UGT2A3: variants seen among roughly 807,000 people sequenced by gnomAD.
UGT2A3 encodes UDP glucuronosyltransferase family 2 member A3.
UGT2A3 carries 55 observed loss-of-function variants against 44.1 expected under a neutral mutation model. The ratio of observed to expected loss-of-function variants is 1.25; its 90% confidence interval spans 1.00 to 1.56. UGT2A3 has a LOEUF of 1.56. Among genes scored for constraint, UGT2A3 ranks in the 40% most tolerant of loss-of-function variants. UGT2A3 has a pLI of 0.00. For synonymous variants in UGT2A3, 243 were observed against 215.1 expected (o/e 1.13, Z -1.13); for missense variants, 733 against 621.6 (o/e 1.18, Z -1.91).
chr4:68,931,256 A>G lies in UGT2A3; in HGVS notation c.997-14T>C, dbSNP rs757788067. On this transcript the variant is annotated splice_polypyrimidine_tract_variant and intron_variant, in intron 3 of 5. Transcript: ENST00000251566. ...CCTCCATAACACCTACGGAAGAAAC[A>G]CATGTATTTCACAGAGTGAACCACA... 1 of 1,602,840 alleles carries G rather than the reference A, an allele frequency of 6.2e-7. No homozygotes were observed.
intron 2 of UGT2A3, among the ~76,000 whole-genome samples, chr4:68,936,751 A>G (rs574904866): frequency 1.3e-5 from 2 of 152,070 alleles, no homozygotes; most frequent in Non-Finnish European, 2.9e-5. Flanking sequence ...GGCCCAATTA[A>G]GAGACACAGA....
intron 2 of UGT2A3, among the ~76,000 whole-genome samples, chr4:68,939,526 C>T (rs923207061): frequency 2.0e-5 from 3 of 152,060 alleles, no homozygotes; most frequent in Admixed American, 6.6e-5. Context: ...TCCCTTCTTA[C>T]ATCTTATACA....
chr4:68,948,297 T>C (rs1158354726), intron 1 of UGT2A3, among the ~76,000 whole-genome samples: 4 of 151,858 alleles, frequency 2.6e-5, no homozygotes, highest in Non-Finnish European at 4.4e-5. Context: ...CTAGCTTCAG[T>C]CTTTTTTTCT....
rs766149607 is a variant in UGT2A3 at position 68,930,579 on chromosome 4, A to G, written c.1271T>C (p.Leu424Pro). 15 of 1,612,826 alleles carry G rather than the reference A, an allele frequency of 9.3e-6. No individual in the cohort carries two copies. The South Asian group carries it at 1.5e-4, about 17-fold the overall frequency. ...GGTAATGACTGTTCTCAAAGCCCTC[A>G]GTAAATCTTCGCTTGTCATAGTTTT... is the stretch of plus-strand genomic sequence containing the variant. The part of the protein sequence containing the change: ...NFKTMTSEDL[L>P]RALRTVITDS... Residue 424 changes from leucine (L) to proline (P), a missense_variant, in exon 5 of 6, where the codon CTG becomes CCG. Coordinates refer to ENST00000251566, the MANE Select transcript of UGT2A3 (RefSeq NM_024743.4).
rs1279321399 is a variant in UGT2A3, at chr4:68,932,721, A to G, written c.903T>C (p.Gly301=). 1.2e-6 allele frequency: 2 copies of G among 1,611,672 alleles called. No homozygotes were observed. Among genetic ancestry groups the G allele is most frequent in the South Asian group, 1.1e-5 (1 of 90,884 alleles). The change falls in exon 3 of 6, where the codon GGT becomes GGC. Residue 301 remains glycine (G), a synonymous_variant. Transcript: ENST00000251566. ...GTGACCCCAGAGAAAACACCACAAT[A>G]CCATCTTCCCCTGAACTCTGGACAA... is the stretch of plus-strand genomic sequence containing the variant. ...ENFVQSSGED[G]IVVFSLGSLF... is the part of the protein sequence containing the mutation.
chr4:68,937,666 G>A (rs11249513), intron 2 of UGT2A3, among the ~76,000 whole-genome samples: 110,931 of 151,930 alleles, frequency 0.73, 42,115 homozygotes, highest in Non-Finnish European at 0.86. Flanking sequence ...AGAAGCAAGA[G>A]CAAATACATT....
intron 5 of UGT2A3, 97 bp downstream of exon 5, chr4:68,930,449 T>C (rs545398169): frequency 8.5e-7 from 1 of 1,171,538 alleles, no homozygotes; most frequent in South Asian, 1.7e-5. Flanking sequence ...TGGAGTAAAA[T>C]CCCTCAACAT....
At chr4:68,940,527 A>G (rs1718144478) in intron 2 of UGT2A3, among the ~76,000 whole-genome samples, 1 of 151,870 alleles carries the variant, frequency 6.6e-6, no homozygotes, top group South Asian at 2.1e-4. Context: ...GGCGGGGAAC[A>G]TCACACACCT....
intron 1 of UGT2A3, among the ~76,000 whole-genome samples, chr4:68,949,511 T>C (rs1718502916): frequency 6.6e-6 from 1 of 151,870 alleles, no homozygotes; most frequent in Admixed American, 6.6e-5. Flanking sequence ...CCGTAACAGA[T>C]ATAACAATGA....
At chr4:68,937,315 G>A (rs1717989625) in intron 2 of UGT2A3, among the ~76,000 whole-genome samples, 1 of 152,090 alleles carries the variant, frequency 6.6e-6, no homozygotes, top group South Asian at 2.1e-4. Flanking sequence ...ATAATTGGAA[G>A]TAAAACACTC....
chr4:68,936,255 T>A (rs1430116860), intron 2 of UGT2A3, among the ~76,000 whole-genome samples: 1 of 151,928 alleles, frequency 6.6e-6, no homozygotes, highest in African/African-American at 2.4e-5. Context: ...CCAAGACACA[T>A]AATTGTCAGA....
chr4:68,930,648 A>G lies in UGT2A3; in HGVS notation c.1202T>C (p.Ile401Thr), dbSNP rs1717699531. Residue 401 changes from isoleucine (I) to threonine (T), a missense_variant, in exon 5 of 6, where the codon ATA (isoleucine) becomes ACA (threonine). Coordinates refer to ENST00000251566, the MANE Select transcript of UGT2A3 (RefSeq NM_024743.4). ...TGCTCCTTTGGCCTTCATGTGAGCTATGTTATCAAGCTGATCACCAAATAT... is the reference window on the plus strand; with the variant it reads ...TGCTCCTTTGGCCTTCATGTGAGCTGTGTTATCAAGCTGATCACCAAATAT... ...VPIFGDQLDN[I>T]AHMKAKGAAV... 1.2e-6 allele frequency: 2 copies of G among 1,613,538 alleles called. No homozygotes were observed. Among genetic ancestry groups the G allele is most frequent in the Non-Finnish European group, 1.7e-6 (2 of 1,179,664 alleles).
Position 68,931,155 on chromosome 4 carries a change from C to T in UGT2A3, c.1084G>A (p.Gly362Ser). The change falls in exon 4 of 6, where the codon GGT (glycine) becomes AGT (serine). Residue 362 changes from glycine to serine, a missense_variant and splice_region_variant. By Grantham distance (56) the Gly-to-Ser change is moderately conservative. Coordinates refer to ENST00000251566, the MANE Select transcript of UGT2A3 (RefSeq NM_024743.4). ...TATTTTTACTTTCTCATAGACCTACCAAGAAGATCATTCTGGGGTATCCAA... is the reference window on the plus strand; with the variant it reads ...TATTTTTACTTTCTCATAGACCTACTAAGAAGATCATTCTGGGGTATCCAA... ...YDWIPQNDLL[G>S]HPKTKAFITH... 4 of 1,610,820 alleles carry T rather than the reference C, an allele frequency of 2.5e-6. No individual in the cohort carries two copies. The highest frequency in any genetic ancestry group is 3.4e-6 in the Non-Finnish European group (4 of 1,178,302).
At position 68,931,154 on chromosome 4, in the gene UGT2A3, C is replaced by T. The variant is rs1312621519; in HGVS notation, c.1084+1G>A. On this transcript the variant is annotated splice_donor_variant, in intron 4 of 5. Transcript: ENST00000251566. LOFTEE classifies it high-confidence loss of function. ...ATATTTTTACTTTCTCATAGACCTACCAAGAAGATCATTCTGGGGTATCCA... is the reference window on the plus strand; with the variant it reads ...ATATTTTTACTTTCTCATAGACCTATCAAGAAGATCATTCTGGGGTATCCA... The T allele has an allele frequency of 6.2e-7, 1 of 1,610,812 alleles. No homozygotes were observed.
At chr4:68,939,843 A>G (rs1480427270) in intron 2 of UGT2A3, among the ~76,000 whole-genome samples, 1 of 152,094 alleles carries the variant, frequency 6.6e-6, no homozygotes, top group African/African-American at 2.4e-5. Flanking sequence ...ACTTAAACAA[A>G]TTTACAGGAA....
chr4:68,945,405 T>C lies in UGT2A3; in HGVS notation c.765A>G (p.Leu255=), dbSNP rs1348187198. The part of the protein sequence containing the change: ...CETVGKAEIW[L]IRTYWDFEFP... ...ATTCAAAATCCCAATATGTTCGTATTAGCCATATCTCAGCTTTTCCCACAG... is the reference window on the plus strand; with the variant it reads ...ATTCAAAATCCCAATATGTTCGTATCAGCCATATCTCAGCTTTTCCCACAG... Residue 255 remains leucine, a synonymous_variant, in exon 2 of 6, where the codon CTA becomes CTG. Transcript: ENST00000251566. 6.2e-7 allele frequency: 1 copy of C among 1,611,274 alleles called. No homozygotes were observed. Among genetic ancestry groups the C allele is most frequent in the African/African-American group, 1.3e-5 (1 of 74,840 alleles).
intron 2 of UGT2A3, among the ~76,000 whole-genome samples, chr4:68,942,958 T>C (rs1577853529): frequency 6.6e-6 from 1 of 151,808 alleles, no homozygotes; most frequent in Non-Finnish European, 1.5e-5. Flanking sequence ...GGGTTTATTA[T>C]CTTGATGTAA....
chr4:68,945,667 G>A (rs1718360406), intron 1 of UGT2A3, among the ~76,000 whole-genome samples: 1 of 149,794 alleles, frequency 6.7e-6, no homozygotes, highest in African/African-American at 2.4e-5. Context: ...AAGAAAGGAG[G>A]GAAGGAAGAA....
rs901065342 is a variant in UGT2A3, at chr4:68,948,212, C to A, written c.716-2758G>T. On this transcript the variant is annotated intron_variant, in intron 1 of 5. Coordinates refer to ENST00000251566, the MANE Select transcript of UGT2A3 (RefSeq NM_024743.4). ...TATATTAGCTAAGTCTTCTGCATGA[C>A]TTCCTATTGCTTCACATTGAACTTT... 8.6e-5 allele frequency among the ~76,000 whole-genome samples: 13 copies of A among 151,820 alleles called. 1 individual carries two copies. The highest frequency in any genetic ancestry group is 1.9e-4 in the Non-Finnish European group (13 of 67,862).
Sources: allele counts gnomAD v4.1 joint callset (sites outside exome capture counted in the v4.1 genomes callset), GRCh38; gene constraint gnomAD v4.1.1; transcripts MANE v1.5; gene names NCBI Gene and HGNC (gene_info 2026-07-23, HGNC 2026-07-21).